The following THADA variants were observed in gnomAD, a reference collection of about 807,000 sequenced individuals.
THADA encodes THADA armadillo repeat containing, also known as tRNA (32-2'-O)-methyltransferase regulator THADA.
Under a neutral mutation model 219.8 loss-of-function variants are expected in THADA, and 213 were observed. That is an observed-to-expected ratio of 0.97 (90% CI 0.87 to 1.09). The LOEUF is 1.09. Among genes scored for constraint, THADA ranks in the 50% least tolerant of loss-of-function variants. The pLI, the probability that THADA is intolerant of heterozygous loss-of-function variation, is 0.00. For synonymous variants in THADA, 1,018 were observed against 828.9 expected (o/e 1.23, Z -3.92); for missense variants, 2,956 against 2,311.3 (o/e 1.28, Z -5.72).
intron 21 of THADA, among the ~76,000 whole-genome samples, chr2:43,536,195 C>T (rs1412013754): frequency 6.6e-6 from 1 of 152,126 alleles, no homozygotes; most frequent in Non-Finnish European, 1.5e-5. Flanking sequence ...TTCCCAGCAC[C>T]GTTTATTGGA....
intron 24 of THADA, among the ~76,000 whole-genome samples, chr2:43,505,402 A>G (rs1380142356): frequency 6.6e-6 from 1 of 152,226 alleles, no homozygotes; most frequent in Admixed American, 6.5e-5. Context: ...TATCTCCAGC[A>G]GAAACTTTTT....
intron 37 of THADA, among the ~76,000 whole-genome samples, chr2:43,231,779 G>C (rs1667452772): frequency 6.6e-6 from 1 of 152,138 alleles, no homozygotes; most frequent in South Asian, 2.1e-4. Context: ...GCTGTGTCCT[G>C]TTTCTATAAC....
intron 30 of THADA, among the ~76,000 whole-genome samples, chr2:43,335,148 A>G (rs914560019): frequency 1.3e-5 from 2 of 152,180 alleles, no homozygotes; most frequent in Non-Finnish European, 2.9e-5. Flanking sequence ...GACCTAGTGA[A>G]TGAGAGTCTT....
chr2:43,557,739 A>C (rs961558938), intron 16 of THADA, among the ~76,000 whole-genome samples: 7 of 152,218 alleles, frequency 4.6e-5, no homozygotes, highest in African/African-American at 1.7e-4. Flanking sequence ...TGGCTGCTCA[A>C]TAATATTCTG....
intron 29 of THADA, among the ~76,000 whole-genome samples, chr2:43,376,201 C>T (rs13404686): frequency 2.6e-5 from 4 of 152,322 alleles, no homozygotes; most frequent in African/African-American, 4.8e-5. Flanking sequence ...TGTCTTACTA[C>T]ATTCAGACAG....
intron 8 of THADA, among the ~76,000 whole-genome samples, chr2:43,580,475 T>C (rs1700316146): frequency 6.6e-6 from 1 of 151,122 alleles, no homozygotes; most frequent in African/African-American, 2.4e-5. Flanking sequence ...TTAATAAAAG[T>C]AACTTTAACT....
At chr2:43,245,986 A>G (rs962653372) in intron 36 of THADA, among the ~76,000 whole-genome samples, 1 of 151,882 alleles carries the variant, frequency 6.6e-6, no homozygotes, top group Admixed American at 6.6e-5. Flanking sequence ...TTCCCTTACT[A>G]GGCGCCCACC....
intron 36 of THADA, among the ~76,000 whole-genome samples, chr2:43,260,168 C>G (rs1409394438): frequency 6.6e-6 from 1 of 152,172 alleles, no homozygotes; most frequent in Admixed American, 6.5e-5. Context: ...CTCCTGAACT[C>G]AAGTGATCCT....
At chr2:43,527,342 T>G (rs1693289106) in intron 22 of THADA, among the ~76,000 whole-genome samples, 1 of 152,248 alleles carries the variant, frequency 6.6e-6, no homozygotes, top group Non-Finnish European at 1.5e-5. Context: ...AAATTATCTG[T>G]AACTATAATG....
intron 29 of THADA, among the ~76,000 whole-genome samples, chr2:43,351,788 T>C (rs1432635169): frequency 2.0e-5 from 3 of 152,206 alleles, no homozygotes; most frequent in Non-Finnish European, 2.9e-5. Context: ...CACACCAAGG[T>C]GTTGGGGGAA....
chr2:43,406,695 CACT>C (rs1355881650), intron 28 of THADA, among the ~76,000 whole-genome samples: 2 of 152,138 alleles, frequency 1.3e-5, no homozygotes, highest in African/African-American at 4.8e-5. Flanking sequence ...TAAAAATAAC[CACT>C]ACACTTAGTT....
At chr2:43,545,381 G>A (rs943502200) in intron 20 of THADA, among the ~76,000 whole-genome samples, 14 of 151,896 alleles carry the variant, frequency 9.2e-5, no homozygotes, top group Middle Eastern at 6.8e-3. Context: ...GGATGATGCT[G>A]GCCTCATAAA....
chr2:43,299,435 G>T (rs1266535792), intron 31 of THADA, among the ~76,000 whole-genome samples: 1 of 152,100 alleles, frequency 6.6e-6, no homozygotes, highest in Non-Finnish European at 1.5e-5. Context: ...GAGGCGGGCA[G>T]ATCACCTGAG....
intron 25 of THADA, among the ~76,000 whole-genome samples, chr2:43,497,663 G>C (rs557012351): frequency 6.6e-6 from 1 of 152,326 alleles, no homozygotes; most frequent in African/African-American, 2.4e-5. Context: ...AAGGTGGGCA[G>C]ATCACGAGGT....
intron 28 of THADA, among the ~76,000 whole-genome samples, chr2:43,407,708 G>C (rs1388964730): frequency 3.9e-5 from 6 of 152,148 alleles, no homozygotes; most frequent in Admixed American, 2.6e-4. Flanking sequence ...AAAAAAGGAA[G>C]TGAAGGTAGG....
rs1251212344 is a variant in THADA, at chr2:43,505,620, A to G, written c.3621+2T>C. 6.4e-7 allele frequency: 1 copy of G among 1,573,274 alleles called. No homozygotes were observed. Among genetic ancestry groups the G allele is most frequent in the Admixed American group, 1.8e-5 (1 of 55,198 alleles). The stretch of plus-strand genomic sequence containing the variant: ...GGAGGGTTTGTGTATTTCCATGATT[A>G]CCTGGGGGACTGTACTCTGTATGTC... On this transcript the variant is annotated splice_donor_variant, in intron 24 of 37. Coordinates refer to ENST00000405975, the MANE Select transcript of THADA (RefSeq NM_022065.5). LOFTEE classifies it high-confidence loss of function.
chr2:43,368,659 A>C (rs1237337777), intron 29 of THADA, among the ~76,000 whole-genome samples: 1 of 151,960 alleles, frequency 6.6e-6, no homozygotes, highest in Non-Finnish European at 1.5e-5. Flanking sequence ...CAGGCTCCCA[A>C]AGTGCTGCTG....
At chr2:43,440,989 G>A (rs566650006) in intron 26 of THADA, among the ~76,000 whole-genome samples, 64 of 152,282 alleles carry the variant, frequency 4.2e-4, no homozygotes, top group African/African-American at 1.5e-3. Flanking sequence ...GCTATATAAA[G>A]AAGGTACTTA....
intron 20 of THADA, among the ~76,000 whole-genome samples, chr2:43,546,307 G>C (rs553608303): frequency 6.4e-4 from 98 of 152,158 alleles, no homozygotes; most frequent in African/African-American, 2.2e-3. Context: ...GTCAATTTTG[G>C]AATAGGTGTG....
Sources: gnomAD v4.1 joint callset for allele counts (sites outside exome capture counted in the v4.1 genomes callset) on GRCh38, gnomAD v4.1.1 for gene constraint, MANE v1.5 for transcripts, NCBI Gene and HGNC (gene_info 2026-07-23, HGNC 2026-07-21) for gene names.